The following DCBLD1 variants were observed in gnomAD, a reference collection of about 807,000 sequenced individuals.
DCBLD1 encodes the protein discoidin, CUB and LCCL domain containing 1.
DCBLD1 carries 57 observed loss-of-function variants against 71.5 expected under a neutral mutation model. The observed-to-expected ratio is 0.80, with a 90% CI of 0.64 to 0.99. The LOEUF (loss-of-function observed/expected upper bound fraction) is 0.99. Among genes scored for constraint, DCBLD1 ranks in the 50% least tolerant of loss-of-function variants. The probability of loss-of-function intolerance (pLI) is 0.00; values close to 1 mark genes in which losing one functional copy is unlikely to be tolerated. For missense variants in DCBLD1, 891 were observed against 923.5 expected, an observed-to-expected ratio of 0.96 and a Z score of 0.46; for synonymous variants, 380 against 363.8, an observed-to-expected ratio of 1.04 and a Z score of -0.51.
At chr6:117,487,512 TAC>T in intron 1 of DCBLD1, among the ~76,000 whole-genome samples, 1 of 152,080 alleles carries the variant, frequency 6.6e-6, no homozygotes, top group Non-Finnish European at 1.5e-5. Flanking sequence ...TGGTCTCGGC[TAC>T]TCGGGATGCT....
At chr6:117,569,803 G>A in exon 15 of DCBLD1, 1 of 1,429,464 alleles carries the variant, frequency 7.0e-7, no homozygotes, top group Middle Eastern at 1.9e-4. Flanking sequence ...TTAATCTAGA[G>A]ATAAAATATT....
At chr6:117,533,400 A>G (rs1583017599) in intron 6 of DCBLD1, among the ~76,000 whole-genome samples, 3 of 152,052 alleles carry the variant, frequency 2.0e-5, no homozygotes, top group South Asian at 4.2e-4. Context: ...TTGCTGTTCC[A>G]TTTTCACAAT....
intron 2 of DCBLD1, among the ~76,000 whole-genome samples, chr6:117,515,115 G>C (rs1199186488): frequency 1.3e-5 from 2 of 151,364 alleles, no homozygotes; most frequent in African/African-American, 4.9e-5. Flanking sequence ...CACCCCCCAG[G>C]TTCAAGCAAT....
chr6:117,566,761 A>G (rs1359929249), intron 14 of DCBLD1: 3 of 739,888 alleles, frequency 4.1e-6, no homozygotes, highest in Admixed American at 3.4e-5. Flanking sequence ...TTTCCTCACA[A>G]AACAGTTTTA....
chr6:117,547,628 C>T, intron 14 of DCBLD1: 1 of 699,588 alleles, frequency 1.4e-6, no homozygotes, highest in Non-Finnish European at 2.6e-6. Flanking sequence ...TTCAGAGCCA[C>T]TTCCTCCCTG....
At chr6:117,552,058 T>G (rs1380577835), downstream of DCBLD1, among the ~76,000 whole-genome samples, 1 of 152,186 alleles carries the variant, frequency 6.6e-6, no homozygotes, top group Non-Finnish European at 1.5e-5. Flanking sequence ...CGGTGGAGGT[T>G]GCAGTAAGCC....
chr6:117,528,162 G>A (rs1291385050), intron 5 of DCBLD1, among the ~76,000 whole-genome samples: 1 of 152,092 alleles, frequency 6.6e-6, no homozygotes, highest in African/African-American at 2.4e-5. Flanking sequence ...AAAGCCAGAA[G>A]GAATACATTA....
chr6:117,534,338 C>T (rs1778817873), intron 6 of DCBLD1, among the ~76,000 whole-genome samples: 1 of 152,102 alleles, frequency 6.6e-6, no homozygotes, highest in African/African-American at 2.4e-5. Flanking sequence ...AGTTTACATC[C>T]TGATTTATAG....
At chr6:117,483,024 G>C in intron 1 of DCBLD1, 131 bp downstream of exon 1, 1 of 987,866 alleles carries the variant, frequency 1.0e-6, no homozygotes, top group Non-Finnish European at 1.2e-6. Context: ...GCGGGAGGAA[G>C]TCGGGCTCGC....
chr6:117,565,590 G>A (rs1779679992), intron 14 of DCBLD1, among the ~76,000 whole-genome samples: 2 of 152,082 alleles, frequency 1.3e-5, no homozygotes, highest in Admixed American at 1.3e-4. Context: ...TCACTTTACT[G>A]TATCAAAAAA....
chr6:117,544,689 A>G (rs1300738900), intron 13 of DCBLD1, 112 bp downstream of exon 13: 56 of 1,154,186 alleles, frequency 4.9e-5, no homozygotes, highest in Non-Finnish European at 6.5e-5. Flanking sequence ...TAAAAGACAT[A>G]AGCCCTGTAG....
intron 1 of DCBLD1, 26 bp from the exon 2 acceptor site, chr6:117,503,741 A>G (rs1329091772): frequency 1.2e-6 from 2 of 1,610,966 alleles, no homozygotes; most frequent in South Asian, 1.1e-5. Flanking sequence ...TTCTTCTTTT[A>G]TTCCCCCCTT....
At chr6:117,495,741 G>A (rs772602337) in intron 1 of DCBLD1, among the ~76,000 whole-genome samples, 1 of 152,224 alleles carries the variant, frequency 6.6e-6, no homozygotes, top group Non-Finnish European at 1.5e-5. Flanking sequence ...TCTCAAGACT[G>A]GAGAGTGACC....
chr6:117,552,898 A>G (rs187623121), downstream of DCBLD1, among the ~76,000 whole-genome samples: 6 of 152,166 alleles, frequency 3.9e-5, no homozygotes, highest in Non-Finnish European at 2.9e-5. Flanking sequence ...AGATCCCATC[A>G]TTTTCCTCTA....
chr6:117,560,358 T>C (rs1779559537), intron 14 of DCBLD1: 1 of 181,386 alleles, frequency 5.5e-6, no homozygotes, highest in African/African-American at 2.4e-5. Context: ...TACAGGCTAA[T>C]AAAAAAATAT....
At chr6:117,567,121 G>C (rs1779714413) in intron 14 of DCBLD1, 2 of 913,796 alleles carry the variant, frequency 2.2e-6, no homozygotes, top group Non-Finnish European at 3.2e-6. Context: ...GAAGGCTTAG[G>C]GGTAGAGAGA....
At chr6:117,512,380 C>T (rs1474063875) in intron 2 of DCBLD1, among the ~76,000 whole-genome samples, 1 of 152,166 alleles carries the variant, frequency 6.6e-6, no homozygotes, top group Non-Finnish European at 1.5e-5. Flanking sequence ...TTTAATGGCA[C>T]AGTCCAGGAA....
At chr6:117,558,982 A>G (rs921609268) in intron 14 of DCBLD1, among the ~76,000 whole-genome samples, 2 of 152,164 alleles carry the variant, frequency 1.3e-5, no homozygotes, top group African/African-American at 2.4e-5. Context: ...AGACCTAAAG[A>G]CAACAGGTTC....
chr6:117,569,607 T>C, intron 14 of DCBLD1: 2 of 1,613,258 alleles, frequency 1.2e-6, no homozygotes, highest in Non-Finnish European at 1.7e-6. Context: ...TCTTTATGCT[T>C]TGTGTCCCTT....
Sources: allele counts gnomAD v4.1 joint callset (sites outside exome capture counted in the v4.1 genomes callset), GRCh38; gene constraint gnomAD v4.1.1; transcripts MANE v1.5; gene names NCBI Gene and HGNC (gene_info 2026-07-23, HGNC 2026-07-21).